Variants in EIF2AK2 observed in about 807,000 individuals in gnomAD.
EIF2AK2 encodes the protein interferon-induced, double-stranded RNA-activated protein kinase.
Under a neutral mutation model 70.5 loss-of-function variants are expected in EIF2AK2, and 40 were observed. The ratio of observed to expected loss-of-function variants is 0.57; its 90% CI spans 0.44 to 0.74. The LOEUF (loss-of-function observed/expected upper bound fraction) is 0.74, where lower values mean the gene tolerates loss of function less well. Among genes scored for constraint, EIF2AK2 ranks in the 30% least tolerant of loss-of-function variants. The pLI, the probability that EIF2AK2 is intolerant of heterozygous loss-of-function variation, is 0.00. For synonymous variants in EIF2AK2, 198 were observed against 220.9 expected (o/e 0.90, Z 0.92); for missense variants, 555 against 644.3 (o/e 0.86, Z 1.50).
chr2:37,115,966 G>A (rs1300719789), intron 13 of EIF2AK2, among the ~76,000 whole-genome samples: 1 of 151,842 alleles, frequency 6.6e-6, no homozygotes, highest in South Asian at 2.1e-4. Flanking sequence ...GCATGATCTC[G>A]GCTCACCACA....
At chr2:37,139,545 T>C (rs2307474) in intron 6 of EIF2AK2, 86 bp downstream of exon 6, 67,784 of 1,529,150 alleles carry the variant, frequency 0.044, 1,682 homozygotes, top group South Asian at 0.057. Flanking sequence ...CTGGCTGTCT[T>C]GGCATAATGT....
intron 1 of EIF2AK2, among the ~76,000 whole-genome samples, chr2:37,155,082 C>T (rs2148721779): frequency 6.6e-6 from 1 of 152,172 alleles, no homozygotes; most frequent in African/African-American, 2.4e-5. Flanking sequence ...CTTTAAATTC[C>T]ACGGACACAA....
rs1450011951 is a variant in EIF2AK2, at chr2:37,122,571, A to C, written c.1002T>G (p.Pro334=). ...NGCWDGFDYD[P]ETSDDSLESS... ...TCTCAAGAGAATCATCACTGGTCTCAGGATCATAATCAAATCCATCCCAAC... is the reference window on the plus strand; with the variant it reads ...TCTCAAGAGAATCATCACTGGTCTCCGGATCATAATCAAATCCATCCCAAC... The change falls in exon 12 of 17, where the codon CCT becomes CCG. Residue 334 remains proline (P), a synonymous_variant. Transcript: ENST00000233057. 1 of 1,614,116 alleles carries C rather than the reference A, an allele frequency of 6.2e-7. No individual in the cohort carries two copies.
chr2:37,118,484 G>C (rs913643669), intron 13 of EIF2AK2, among the ~76,000 whole-genome samples: 1 of 152,272 alleles, frequency 6.6e-6, no homozygotes, highest in African/African-American at 2.4e-5. Context: ...GCACCAGTCA[G>C]AATTTTGCTA....
intron 13 of EIF2AK2, among the ~76,000 whole-genome samples, chr2:37,116,990 C>G (rs62133141): frequency 2.6e-5 from 4 of 152,030 alleles, no homozygotes; most frequent in African/African-American, 9.7e-5. Flanking sequence ...AGCGGGCAGA[C>G]AGCGTGGGCC....
chr2:37,131,756 C>T (rs1268751120), intron 10 of EIF2AK2, among the ~76,000 whole-genome samples: 3 of 152,112 alleles, frequency 2.0e-5, no homozygotes, highest in Non-Finnish European at 4.4e-5. Context: ...GATATGCAGT[C>T]ACTGAGAGAT....
chr2:37,138,961 A>T (rs1456585973), intron 6 of EIF2AK2, among the ~76,000 whole-genome samples: 1 of 145,684 alleles, frequency 6.9e-6, no homozygotes, highest in Non-Finnish European at 1.5e-5. Context: ...ACACCCGTCT[A>T]ATTTTTTTTT....
chr2:37,145,144 T>G (rs1034702325), intron 4 of EIF2AK2, among the ~76,000 whole-genome samples: 3 of 147,100 alleles, frequency 2.0e-5, no homozygotes, highest in African/African-American at 7.4e-5. Flanking sequence ...TTTGTGGGTT[T>G]TTTTTTTTTT....
At chr2:37,118,751 G>T (rs1332914699) in intron 13 of EIF2AK2, among the ~76,000 whole-genome samples, 3 of 152,204 alleles carry the variant, frequency 2.0e-5, no homozygotes. Context: ...CAGACATCCA[G>T]CCCCTGGGCA....
chr2:37,150,800 A>G (rs2148716406), intron 1 of EIF2AK2, among the ~76,000 whole-genome samples: 1 of 152,364 alleles, frequency 6.6e-6, no homozygotes, highest in East Asian at 1.9e-4. Flanking sequence ...CTGTATGGAT[A>G]TAGATTTCTC....
At chr2:37,142,287 T>C (rs940940679) in intron 4 of EIF2AK2, among the ~76,000 whole-genome samples, 7 of 151,966 alleles carry the variant, frequency 4.6e-5, no homozygotes, top group South Asian at 2.1e-4. Context: ...CACACCACCA[T>C]GCCTGGGTAA....
intron 4 of EIF2AK2, among the ~76,000 whole-genome samples, chr2:37,144,861 C>A (rs943410109): frequency 6.6e-6 from 1 of 151,820 alleles, no homozygotes; most frequent in African/African-American, 2.4e-5. Context: ...GGACTACAGG[C>A]ATGAACCACC....
chr2:37,122,778 G>A (rs1202266539), intron 11 of EIF2AK2, 114 bp from the exon 12 acceptor site: 4 of 1,348,986 alleles, frequency 3.0e-6, no homozygotes, highest in Non-Finnish European at 4.1e-6. Flanking sequence ...CCATTGCTGT[G>A]GTTCTCACAT....
At chr2:37,113,272 G>T (rs956488282) in intron 14 of EIF2AK2, among the ~76,000 whole-genome samples, 3 of 152,060 alleles carry the variant, frequency 2.0e-5, no homozygotes, top group Admixed American at 2.0e-4. Flanking sequence ...AAGGTGGGTG[G>T]ATTACCTGAG....
chr2:37,135,450 C>G, intron 10 of EIF2AK2, 34 bp downstream of exon 10: 1 of 1,557,522 alleles, frequency 6.4e-7, no homozygotes, highest in Admixed American at 1.9e-5. Flanking sequence ...GACAGCATTA[C>G]CCCTTCTTCT....
chr2:37,107,916 C>T (rs1451025183), intron 15 of EIF2AK2, among the ~76,000 whole-genome samples: 7 of 151,932 alleles, frequency 4.6e-5, no homozygotes, highest in African/African-American at 1.2e-4. Flanking sequence ...GAGGCCGAGG[C>T]GGGTGGATTG....
chr2:37,143,816 T>C (rs6718534), intron 4 of EIF2AK2, among the ~76,000 whole-genome samples: 128,361 of 152,076 alleles, frequency 0.84, 55,582 homozygotes, highest in East Asian at 1. Context: ...CCTGGGGAGA[T>C]TGAGGCTGCA....
In EIF2AK2 at chr2:37,146,893, G is replaced by T; in HGVS notation, c.200C>A (p.Ala67Glu). ...GRSKKEAKNA[A>E]AKLAVEILNK... ...AAGTATCTCAACAGCTAATTTGGCTGCGGCATTTTTTGCTTCCTTCTTTGA... is the reference window on the plus strand; with the variant it reads ...AAGTATCTCAACAGCTAATTTGGCTTCGGCATTTTTTGCTTCCTTCTTTGA... The change falls in exon 4 of 17, where the codon GCA (alanine) becomes GAA (glutamate). Residue 67 changes from alanine to glutamate, a missense_variant. Transcript: ENST00000233057. The T allele has an allele frequency of 6.2e-7, 1 of 1,613,876 alleles. No homozygotes were observed. Among genetic ancestry groups the T allele is most frequent in the Middle Eastern group, 1.6e-4 (1 of 6,062 alleles).
intron 1 of EIF2AK2, among the ~76,000 whole-genome samples, chr2:37,156,328 G>A (rs1257043309): frequency 6.6e-6 from 1 of 152,156 alleles, no homozygotes; most frequent in Non-Finnish European, 1.5e-5. Context: ...TACGGGGAAG[G>A]TCGGAGCAGG....
Sources: allele counts gnomAD v4.1 joint callset (sites outside exome capture counted in the v4.1 genomes callset), GRCh38; gene constraint gnomAD v4.1.1; transcripts MANE v1.5; gene names NCBI Gene and HGNC (gene_info 2026-07-23, HGNC 2026-07-21).